NBEAL1: variants seen among roughly 807,000 people sequenced by gnomAD.
NBEAL1 encodes neurobeachin-like protein 1.
Under a neutral mutation model 351.3 loss-of-function variants are expected in NBEAL1, and 273 were observed. That is an observed-to-expected ratio of 0.78 (90% CI 0.70 to 0.86). The LOEUF (loss-of-function observed/expected upper bound fraction) is 0.86. NBEAL1 is among the 40% of genes least tolerant of loss of function. The pLI is 0.00. For missense variants in NBEAL1, 2,961 were observed against 3,201.3 expected, an observed-to-expected ratio of 0.92 and a Z score of 1.81; for synonymous variants, 1,050 against 1,086.4, an observed-to-expected ratio of 0.97 and a Z score of 0.66.
intron 18 of NBEAL1, among the ~76,000 whole-genome samples, chr2:203,116,627 CAA>C (rs3053110): frequency 7.3e-6 from 1 of 136,956 alleles, no homozygotes. Context: ...TGAAAAATGC[CAA>C]AAAAAAAAAA....
chr2:203,109,838 A>G (rs1574981785), intron 14 of NBEAL1, among the ~76,000 whole-genome samples: 2 of 152,180 alleles, frequency 1.3e-5, no homozygotes, highest in South Asian at 4.1e-4. Flanking sequence ...GTGATTTTAA[A>G]GACCTTTATT....
chr2:203,165,575 C>G (rs2064108077), intron 36 of NBEAL1, among the ~76,000 whole-genome samples: 1 of 152,062 alleles, frequency 6.6e-6, no homozygotes, highest in African/African-American at 2.4e-5. Context: ...TACAGGTTCA[C>G]TGTGTTTTAT....
chr2:203,034,159 C>CTT (rs1166429847), intron 2 of NBEAL1, among the ~76,000 whole-genome samples: 15 of 135,008 alleles, frequency 1.1e-4, no homozygotes, highest in South Asian at 2.3e-4. Context: ...TTGGCCTGTA[C>CTT]TTTTTTTTTT....
chr2:203,105,312 A>G (rs1014611874), intron 12 of NBEAL1, among the ~76,000 whole-genome samples: 4 of 151,906 alleles, frequency 2.6e-5, no homozygotes, highest in Non-Finnish European at 5.9e-5. Context: ...AAAAAAATAC[A>G]AAAATTAGCC....
intron 4 of NBEAL1, among the ~76,000 whole-genome samples, chr2:203,055,825 TTTAG>T (rs1430886613): frequency 7.9e-5 from 12 of 152,204 alleles, no homozygotes; most frequent in Admixed American, 5.2e-4. Flanking sequence ...GGGACCATAT[TTTAG>T]TTAAACACTA....
chr2:203,203,833 T>C (rs2065469473), intron 51 of NBEAL1, among the ~76,000 whole-genome samples: 1 of 152,150 alleles, frequency 6.6e-6, no homozygotes, highest in Non-Finnish European at 1.5e-5. Flanking sequence ...ACACTTAAAG[T>C]GTAATGTTCT....
intron 2 of NBEAL1, among the ~76,000 whole-genome samples, chr2:203,019,435 A>G (rs2060731745): frequency 6.6e-6 from 1 of 152,192 alleles, no homozygotes; most frequent in Non-Finnish European, 1.5e-5. Flanking sequence ...AAGATGATCA[A>G]TTGTTTTTCT....
At chr2:203,093,076 T>TA (rs2062098068) in intron 10 of NBEAL1, among the ~76,000 whole-genome samples, 1 of 151,004 alleles carries the variant, frequency 6.6e-6, no homozygotes, top group Admixed American at 6.6e-5. Flanking sequence ...ACTAAAAATA[T>TA]AAAAAATTAG....
At chr2:203,109,722 G>T (rs199647171) in intron 14 of NBEAL1, among the ~76,000 whole-genome samples, 2 of 152,042 alleles carry the variant, frequency 1.3e-5, no homozygotes, top group Non-Finnish European at 2.9e-5. Context: ...GTTTCACCAC[G>T]TTGGCCAGGC....
rs998808612 is a variant in NBEAL1 at position 203,126,486 on chromosome 2, G to T, written c.2986-71G>T. ...ATACTTAGTAGATGTTCTGATTAAT[G>T]ATTTAAAATTATAACTTAATGACAG... On this transcript the variant is annotated intron_variant, in intron 21 of 55. Coordinates refer to ENST00000683969, the MANE Select transcript of NBEAL1 (RefSeq NM_001378026.1). 14 of 1,153,508 alleles carry T rather than the reference G, an allele frequency of 1.2e-5. No homozygotes were observed. The African/African-American group carries it at 2.1e-4, about 17-fold the overall frequency. The allele number at this position is 1,153,508 out of a possible 1,614,324, so 71.5% of individuals were successfully genotyped here.
At chr2:203,176,024 C>G (rs2064488076) in intron 42 of NBEAL1, among the ~76,000 whole-genome samples, 1 of 152,176 alleles carries the variant, frequency 6.6e-6, no homozygotes, top group Non-Finnish European at 1.5e-5. Context: ...CCTCAGATCA[C>G]TAAACATCCC....
chr2:203,119,890 A>G (rs1347116154), intron 18 of NBEAL1, among the ~76,000 whole-genome samples: 1 of 152,206 alleles, frequency 6.6e-6, no homozygotes, highest in East Asian at 1.9e-4. Flanking sequence ...CTAGTTTGGG[A>G]AAAGCTGCTC....
intron 2 of NBEAL1, among the ~76,000 whole-genome samples, chr2:203,023,890 G>A (rs185721446): frequency 8.5e-5 from 13 of 152,294 alleles, no homozygotes; most frequent in Admixed American, 8.5e-4. Flanking sequence ...CATTTAAGAA[G>A]AAGACAGAGT....
chr2:203,194,034 GTAA>G (rs1172290965), intron 47 of NBEAL1, 123 bp downstream of exon 47: 8 of 480,600 alleles, frequency 1.7e-5, no homozygotes, highest in African/African-American at 1.4e-4. Context: ...AAATTATACT[GTAA>G]TAATCTGTTG....
rs201730346 is a variant in NBEAL1 at position 203,192,625 on chromosome 2, A to T, written c.6922-1170A>T. Among the ~76,000 whole-genome samples the T allele has an allele frequency of 1.9e-4, 29 of 152,244 alleles. No individual in the cohort carries two copies. The East Asian group carries it at 5.6e-3, about 29-fold the overall frequency. On this transcript the variant is annotated intron_variant, in intron 46 of 55. Transcript: ENST00000683969. ...GGTCTTGAACTCCTGACCTCAGGTG[A>T]TCTGCCTGCCTCAGCCTCCCAAAAT... is the stretch of plus-strand genomic sequence containing the variant.
At position 203,175,132 on chromosome 2, in the gene NBEAL1, A is replaced by AT. The variant is rs761971565; in HGVS notation, c.6324-9dup. 9.4e-6 allele frequency: 15 copies of AT among 1,602,898 alleles called. No individual in the cohort carries two copies. The highest frequency in any genetic ancestry group is 3.4e-5 in the South Asian group (3 of 89,256). On this transcript the variant is annotated splice_polypyrimidine_tract_variant and intron_variant, in intron 41 of 55. Transcript: ENST00000683969. ...ATTATTGTGGTTTTAAAACTTTAGG[A>AT]TTTTTTCCCCACAGATATGAAAATT...
chr2:203,024,335 A>G (rs2060819824), intron 2 of NBEAL1, among the ~76,000 whole-genome samples: 1 of 152,060 alleles, frequency 6.6e-6, no homozygotes, highest in Admixed American at 6.6e-5. Context: ...AGGTGGGAGG[A>G]TCATTTGAGG....
At chr2:203,044,627 CTG>C (rs1246885728) in intron 3 of NBEAL1, among the ~76,000 whole-genome samples, 7 of 152,106 alleles carry the variant, frequency 4.6e-5, no homozygotes, top group African/African-American at 1.4e-4. Flanking sequence ...TTACTTAATA[CTG>C]TGTTTCATGT....
At chr2:203,115,614 G>A (rs942434290) in intron 17 of NBEAL1, among the ~76,000 whole-genome samples, 1 of 149,326 alleles carries the variant, frequency 6.7e-6, no homozygotes, top group South Asian at 2.1e-4. Context: ...TTTTTTTGTA[G>A]AAATGGTGTC....
Sources: allele counts gnomAD v4.1 joint callset (sites outside exome capture counted in the v4.1 genomes callset), GRCh38; gene constraint gnomAD v4.1.1; transcripts MANE v1.5; gene names NCBI Gene and HGNC (gene_info 2026-07-23, HGNC 2026-07-21).